CCDC158: variants seen among roughly 807,000 people sequenced by gnomAD.
CCDC158 encodes the protein coiled-coil domain-containing protein 158.
Under a neutral mutation model 138.6 loss-of-function variants are expected in CCDC158, and 116 were observed. The ratio of observed to expected loss-of-function variants is 0.84; its 90% confidence interval spans 0.72 to 0.98. The LOEUF (loss-of-function observed/expected upper bound fraction) is 0.98, where lower values mean the gene tolerates loss of function less well. CCDC158 is among the 50% of genes least tolerant of loss of function. The pLI is 0.00. For synonymous variants in CCDC158, 436 were observed against 442.4 expected (o/e 0.99, Z 0.18); for missense variants, 1,265 against 1,306.1 (o/e 0.97, Z 0.48).
intron 12 of CCDC158, 124 bp downstream of exon 12, chr4:76,367,170 T>A (rs904571833): frequency 1.0e-5 from 11 of 1,080,656 alleles, no homozygotes; most frequent in Non-Finnish European, 1.5e-5. Flanking sequence ...CATATACACA[T>A]AGAAACAAAC....
chr4:76,359,791 A>G (rs1477425096), intron 13 of CCDC158, among the ~76,000 whole-genome samples: 1 of 152,256 alleles, frequency 6.6e-6, no homozygotes, highest in Non-Finnish European at 1.5e-5. Flanking sequence ...GTAGAGCATA[A>G]AAGTTTGGAA....
At chr4:76,365,648 C>T in intron 12 of CCDC158, among the ~76,000 whole-genome samples, 1 of 152,170 alleles carries the variant, frequency 6.6e-6, no homozygotes, top group South Asian at 2.1e-4. Flanking sequence ...AGGTTCCCAG[C>T]TCTCTCTGAA....
At chr4:76,353,353 A>T (rs1723235855) in intron 15 of CCDC158, 72 bp from the exon 16 acceptor site, 1 of 1,273,994 alleles carries the variant, frequency 7.8e-7, no homozygotes, top group African/African-American at 1.5e-5. Flanking sequence ...TGGAAATATA[A>T]AATTCTTGTT....
chr4:76,333,107 T>C (rs968539025), intron 19 of CCDC158, among the ~76,000 whole-genome samples: 1 of 152,182 alleles, frequency 6.6e-6, no homozygotes, highest in Non-Finnish European at 1.5e-5. Flanking sequence ...CTTCAGATAA[T>C]GTAATGTTAT....
chr4:76,421,313 C>T (rs546911302), upstream of CCDC158, among the ~76,000 whole-genome samples: 399 of 152,196 alleles, frequency 2.6e-3, 2 homozygotes, highest in African/African-American at 8.7e-3. Flanking sequence ...CGACTCCGCC[C>T]GCCGGACGCC....
chr4:76,379,185 T>C, intron 9 of CCDC158, 105 bp downstream of exon 9: 2 of 552,268 alleles, frequency 3.6e-6, no homozygotes, highest in Non-Finnish European at 6.0e-6. Flanking sequence ...CTGCTTTTAA[T>C]TTGAAATTAC....
intron 9 of CCDC158, among the ~76,000 whole-genome samples, chr4:76,376,701 C>A (rs1403537125): frequency 6.6e-6 from 1 of 152,152 alleles, no homozygotes; most frequent in Non-Finnish European, 1.5e-5. Context: ...CCAGAGTGTA[C>A]TTAGCTATAT....
chr4:76,317,774 A>T (rs144990408), intron 24 of CCDC158, among the ~76,000 whole-genome samples: 2 of 152,208 alleles, frequency 1.3e-5, no homozygotes, highest in Non-Finnish European at 2.9e-5. Context: ...ACAAGTCTCA[A>T]CAAATTTAAG....
chr4:76,357,250 A>G lies in CCDC158; in HGVS notation c.2173+124T>C, dbSNP rs1723659959. 10 of 532,720 alleles carry G rather than the reference A, an allele frequency of 1.9e-5. No individual in the cohort carries two copies. The South Asian group carries it at 2.5e-4, about 13-fold the overall frequency. 33.0% of individuals were successfully genotyped at this position (532,720 alleles called of 1,614,324 possible). On this transcript the variant is annotated intron_variant, in intron 14 of 24. Coordinates refer to ENST00000682701, the MANE Select transcript of CCDC158 (RefSeq NM_001394954.1). ...CTCCATCATTAATACCTACTATTGT[A>G]TATTTCTTACATCATTTAGCACTGT...
chr4:76,361,284 T>C (rs1724107238), intron 13 of CCDC158, among the ~76,000 whole-genome samples: 1 of 152,180 alleles, frequency 6.6e-6, no homozygotes, highest in Non-Finnish European at 1.5e-5. Flanking sequence ...CAGTCTGGGC[T>C]GGGTGGGGTG....
In CCDC158 at chr4:76,357,423, T is replaced by G. The variant is rs1723681049; in HGVS notation, c.2124A>C (p.Leu708=). 9 of 1,602,932 alleles carry G rather than the reference T, an allele frequency of 5.6e-6. No homozygotes were observed. The East Asian group carries it at 2.0e-4, about 36-fold the overall frequency. Residue 708 remains leucine, a synonymous_variant, in exon 14 of 25, where the codon CTA becomes CTC. Coordinates refer to ENST00000682701, the MANE Select transcript of CCDC158 (RefSeq NM_001394954.1). The part of the protein sequence containing the change: ...KMQLKSAQSE[L]EQTRNTLKSM... ...ACTTTAATGTATTTCTTGTCTGTTC[T>G]AGTTCAGACTGTGCAGATTTTAATT...
At chr4:76,336,368 T>C (rs942309960) in intron 18 of CCDC158, among the ~76,000 whole-genome samples, 9 of 152,128 alleles carry the variant, frequency 5.9e-5, no homozygotes, top group African/African-American at 2.2e-4. Flanking sequence ...TTGATCATCA[T>C]TGTCTTTATA....
intron 18 of CCDC158, among the ~76,000 whole-genome samples, chr4:76,338,216 T>C (rs1311356651): frequency 6.6e-6 from 1 of 152,074 alleles, no homozygotes; most frequent in Non-Finnish European, 1.5e-5. Flanking sequence ...CAAATACAGA[T>C]TAACATTAGC....
intron 10 of CCDC158, 89 bp downstream of exon 10, chr4:76,371,328 A>G: frequency 7.6e-7 from 1 of 1,308,686 alleles, no homozygotes; most frequent in South Asian, 1.4e-5. Context: ...GTAAATTTGT[A>G]ATTTTATAAA....
intron 1 of CCDC158, among the ~76,000 whole-genome samples, chr4:76,416,133 GTC>G (rs891113492): frequency 6.7e-4 from 101 of 151,260 alleles, no homozygotes; most frequent in Non-Finnish European, 1.4e-3. Flanking sequence ...GGTGTAAGCT[GTC>G]TCTCTCTCTC....
At chr4:76,350,356 C>T (rs908732614) in intron 18 of CCDC158, among the ~76,000 whole-genome samples, 2 of 152,108 alleles carry the variant, frequency 1.3e-5, no homozygotes, top group African/African-American at 4.8e-5. Flanking sequence ...ATCCTGTTGC[C>T]ATATGTAAGA....
chr4:76,353,571 G>A (rs1438678029), intron 15 of CCDC158, among the ~76,000 whole-genome samples: 1 of 152,150 alleles, frequency 6.6e-6, no homozygotes, highest in Non-Finnish European at 1.5e-5. Context: ...CAGTGTTTTA[G>A]TGAATTAGGA....
chr4:76,326,365 T>C (rs1407672996), intron 22 of CCDC158, among the ~76,000 whole-genome samples: 1 of 152,174 alleles, frequency 6.6e-6, no homozygotes, highest in Non-Finnish European at 1.5e-5. Context: ...GTACAACTTT[T>C]CATATATAAT....
intron 13 of CCDC158, among the ~76,000 whole-genome samples, chr4:76,357,949 G>T (rs1723738364): frequency 6.6e-6 from 1 of 151,570 alleles, no homozygotes; most frequent in African/African-American, 2.4e-5. Context: ...AAAATACTTG[G>T]CACAAACTCA....
Sources: gnomAD v4.1 joint callset for allele counts (sites outside exome capture counted in the v4.1 genomes callset) on GRCh38, gnomAD v4.1.1 for gene constraint, MANE v1.5 for transcripts, NCBI Gene and HGNC (gene_info 2026-07-23, HGNC 2026-07-21) for gene names.